Variants in NEGR1 observed in about 807,000 individuals in gnomAD.
NEGR1 encodes neuronal growth regulator 1, also known as IgLON family member 4.
A neutral mutation model predicts 40.9 loss-of-function variants in NEGR1; 10 were observed. The observed-to-expected ratio is 0.24, with a 90% CI of 0.15 to 0.42. NEGR1 has a LOEUF of 0.42. Ranked by LOEUF, NEGR1 falls within the 10% of genes least tolerant of loss-of-function variation. The pLI is 1.00. For missense variants in NEGR1, 352 were observed against 438.9 expected (o/e 0.80, Z 1.77); for synonymous variants, 185 against 166.8 (o/e 1.11, Z -0.84).
intron 6 of NEGR1, among the ~76,000 whole-genome samples, chr1:71,431,542 CCAT>C (rs1416593438): frequency 8.1e-5 from 8 of 98,816 alleles, no homozygotes; most frequent in Non-Finnish European, 1.5e-4. Context: ...AATCATCCAT[CCAT>C]CCATCCATCC....
chr1:71,580,691 T>C (rs139285517), intron 6 of NEGR1, among the ~76,000 whole-genome samples: 123 of 152,264 alleles, frequency 8.1e-4, no homozygotes, highest in African/African-American at 2.8e-3. Context: ...CCATAATGTA[T>C]AAATCCCTAC....
At chr1:72,063,051 G>T (rs1486080) in intron 1 of NEGR1, among the ~76,000 whole-genome samples, 59,450 of 151,650 alleles carry the variant, frequency 0.39, 12,773 homozygotes, top group Non-Finnish European at 0.49. Context: ...GTTGATTTTA[G>T]AAGTCTCGAA....
At chr1:72,236,867 A>T (rs1351213340) in intron 1 of NEGR1, among the ~76,000 whole-genome samples, 1 of 152,024 alleles carries the variant, frequency 6.6e-6, no homozygotes, top group Non-Finnish European at 1.5e-5. Flanking sequence ...GTTAAGAGTC[A>T]AGTGACTGTG....
intron 6 of NEGR1, among the ~76,000 whole-genome samples, chr1:71,549,187 TAGTC>T (rs1392081603): frequency 6.6e-6 from 1 of 151,750 alleles, no homozygotes; most frequent in Non-Finnish European, 1.5e-5. Context: ...GCCTACATAT[TAGTC>T]AGAATACATT....
intron 6 of NEGR1, among the ~76,000 whole-genome samples, chr1:71,465,597 A>T (rs1469290248): frequency 1.3e-5 from 2 of 152,090 alleles, no homozygotes; most frequent in Non-Finnish European, 2.9e-5. Context: ...ATTAAGTTGG[A>T]TACAAGACTC....
At chr1:72,054,341 G>A (rs1003041996) in intron 1 of NEGR1, among the ~76,000 whole-genome samples, 2 of 151,090 alleles carry the variant, frequency 1.3e-5, no homozygotes, top group Non-Finnish European at 3.0e-5. Context: ...ATCTGTCTTT[G>A]TCTTCTATCT....
At chr1:71,586,851 C>T (rs757723345) in intron 6 of NEGR1, among the ~76,000 whole-genome samples, 18 of 152,036 alleles carry the variant, frequency 1.2e-4, no homozygotes, top group African/African-American at 2.9e-4. Flanking sequence ...TGGTAGAGAA[C>T]GACTTGATAG....
intron 4 of NEGR1, among the ~76,000 whole-genome samples, chr1:71,671,608 CA>C (rs1652433693): frequency 6.6e-6 from 1 of 152,176 alleles, no homozygotes; most frequent in African/African-American, 2.4e-5. Context: ...AAGTTCATCA[CA>C]ATCTCAACTC....
At chr1:71,430,111 A>C (rs943547939) in intron 6 of NEGR1, among the ~76,000 whole-genome samples, 1 of 152,218 alleles carries the variant, frequency 6.6e-6, no homozygotes, top group African/African-American at 2.4e-5. Context: ...CTGGTACTGC[A>C]GTATGGAAGA....
intron 2 of NEGR1, among the ~76,000 whole-genome samples, chr1:71,876,871 G>A (rs183701180): frequency 1.3e-4 from 20 of 151,990 alleles, no homozygotes; most frequent in African/African-American, 4.6e-4. Context: ...ATGAGTGATC[G>A]AATGAGATAA....
At chr1:71,466,505 G>A (rs1646746880) in intron 6 of NEGR1, among the ~76,000 whole-genome samples, 1 of 152,052 alleles carries the variant, frequency 6.6e-6, no homozygotes, top group African/African-American at 2.4e-5. Flanking sequence ...AATATGATAT[G>A]CACTATGAAA....
rs575723995 is a variant in NEGR1 at position 72,282,333 on chromosome 1, G to A, written c.162C>T (p.Asp54=). 110 of 1,614,064 alleles carry A rather than the reference G, an allele frequency of 6.8e-5. 1 individual carries two copies. The South Asian group carries it at 1.0e-3, about 15-fold the overall frequency. ...GTTCTTCCTACCTAAGCACCGCCGTGTCCCCTTTTCTGACCATCATGTTGT... is the reference window on the plus strand; with the variant it reads ...GTTCTTCCTACCTAAGCACCGCCGTATCCCCTTTTCTGACCATCATGTTGT... ...AVDNMMVRKG[D]TAVLRCYLED... Residue 54 remains aspartate (D), a synonymous_variant, in exon 1 of 7, where the codon GAC becomes GAT. Transcript: ENST00000357731.
At chr1:71,819,883 G>C (rs1043755791) in intron 2 of NEGR1, among the ~76,000 whole-genome samples, 3 of 151,994 alleles carry the variant, frequency 2.0e-5, no homozygotes, top group Non-Finnish European at 4.4e-5. Flanking sequence ...ACGGAAGCCA[G>C]AAGACACCAA....
rs115338382 is a variant in NEGR1 at position 71,984,271 on chromosome 1, C to A, written c.177-48960G>T. 1.7e-5 allele frequency among the ~76,000 whole-genome samples: 2 copies of A among 119,384 alleles called. 1 individual carries two copies. Among genetic ancestry groups the A allele is most frequent in the East Asian group, 1.1e-3 (2 of 1,824 alleles). The allele number at this position is 119,384 out of a possible 152,430, so 78.3% of individuals were successfully genotyped here. ...CCTACTGCTCAACAGAATATTTATTCTGTTAAAATAACTTTTTTTTAATTA... is the reference window on the plus strand; with the variant it reads ...CCTACTGCTCAACAGAATATTTATTATGTTAAAATAACTTTTTTTTAATTA... On this transcript the variant is annotated intron_variant, in intron 1 of 6. Coordinates refer to ENST00000357731, the MANE Select transcript of NEGR1 (RefSeq NM_173808.3).
At chr1:72,075,298 T>A (rs1273573941) in intron 1 of NEGR1, among the ~76,000 whole-genome samples, 1 of 152,160 alleles carries the variant, frequency 6.6e-6, no homozygotes, top group Non-Finnish European at 1.5e-5. Flanking sequence ...CTCTGTTTTA[T>A]TTAAAGGCAT....
At chr1:71,948,111 C>T (rs528775046) in intron 1 of NEGR1, among the ~76,000 whole-genome samples, 1 of 152,228 alleles carries the variant, frequency 6.6e-6, no homozygotes, top group African/African-American at 2.4e-5. Context: ...AATCTTTTCA[C>T]TTTGTTCTAT....
chr1:72,071,165 G>GAA (rs889822853), intron 1 of NEGR1, among the ~76,000 whole-genome samples: 1 of 151,804 alleles, frequency 6.6e-6, no homozygotes, highest in Non-Finnish European at 1.5e-5. Context: ...GGAACTGCTA[G>GAA]AAAAGTGTTT....
chr1:71,993,995 T>C (rs1646479159), intron 1 of NEGR1, among the ~76,000 whole-genome samples: 1 of 152,110 alleles, frequency 6.6e-6, no homozygotes, highest in Admixed American at 6.5e-5. Context: ...TGTTAATAAG[T>C]CTATAAGTAG....
intron 4 of NEGR1, among the ~76,000 whole-genome samples, chr1:71,684,126 C>T (rs1033779588): frequency 4.0e-5 from 6 of 151,800 alleles, no homozygotes; most frequent in Admixed American, 1.3e-4. Context: ...AAAAATTAGC[C>T]GGGCGTGGTG....
Sources: allele counts gnomAD v4.1 joint callset (sites outside exome capture counted in the v4.1 genomes callset), GRCh38; gene constraint gnomAD v4.1.1; transcripts MANE v1.5; gene names NCBI Gene and HGNC (gene_info 2026-07-23, HGNC 2026-07-21).